SIRT5: variants seen among roughly 807,000 people sequenced by gnomAD.
SIRT5 encodes NAD-dependent protein deacylase sirtuin-5, mitochondrial.
SIRT5 carries 26 observed loss-of-function variants against 40.0 expected under a neutral mutation model. The observed-to-expected ratio is 0.65, with a 90% confidence interval of 0.48 to 0.90. The LOEUF is 0.90. Ranked by LOEUF, SIRT5 falls within the 40% of genes least tolerant of loss-of-function variation. The pLI is 0.00. For synonymous variants in SIRT5, 146 were observed against 149.1 expected (o/e 0.98, Z 0.15); for missense variants, 401 against 402.4 (o/e 1.00, Z 0.03).
chr6:13,605,240 G>C (rs1341715173), intron 9 of SIRT5: 1 of 912,878 alleles, frequency 1.1e-6, no homozygotes, highest in Non-Finnish European at 1.3e-6. Context: ...AGGTTTCATT[G>C]GAACACAGCT....
intron 9 of SIRT5, among the ~76,000 whole-genome samples, chr6:13,610,005 C>G (rs1040330916): frequency 6.6e-6 from 1 of 152,024 alleles, no homozygotes; most frequent in Admixed American, 6.6e-5. Flanking sequence ...CCTCTGTCAC[C>G]CAGGCTGGAG....
intron 9 of SIRT5, among the ~76,000 whole-genome samples, chr6:13,606,899 C>A (rs1763189341): frequency 6.6e-6 from 1 of 151,718 alleles, no homozygotes. Flanking sequence ...TCAGACAGGT[C>A]TCAAACTCCT....
At chr6:13,596,627 T>C (rs1397570899) in intron 6 of SIRT5, among the ~76,000 whole-genome samples, 1 of 152,104 alleles carries the variant, frequency 6.6e-6, no homozygotes, top group Non-Finnish European at 1.5e-5. Context: ...GCTAGGACTA[T>C]AGGCACACAT....
intron 7 of SIRT5, among the ~76,000 whole-genome samples, chr6:13,597,540 GTTTAT>G (rs141284695): frequency 0.027 from 4,115 of 150,542 alleles, 81 homozygotes; most frequent in Middle Eastern, 0.069. Context: ...TTTTTGTTGT[GTTTAT>G]TTTATTTTAT....
At position 13,584,135 on chromosome 6, in the gene SIRT5, A is replaced by G. The variant is rs2127623635; in HGVS notation, c.25A>G (p.Ser9Gly). The G allele has an allele frequency of 6.2e-7, 1 of 1,614,150 alleles. No homozygotes were observed. ...GATGCGACCTCTCCAGATTGTCCCA[A>G]GTCGATTGATTTCCCAGCTATATTG... is the stretch of plus-strand genomic sequence containing the variant. MRPLQIVP[S>G]RLISQLYCGL... The change falls in exon 3 of 10, where the codon AGT becomes GGT. Residue 9 changes from serine (S) to glycine (G), a missense_variant. Ser to Gly is a moderately conservative substitution (Grantham distance 56). Coordinates refer to ENST00000606117, the MANE Select transcript of SIRT5 (RefSeq NM_012241.5).
intron 9 of SIRT5, 95 bp from the exon 10 acceptor site, chr6:13,611,695 C>T (rs1008228383): frequency 1.1e-5 from 10 of 900,154 alleles, no homozygotes; most frequent in African/African-American, 6.6e-5. Context: ...GGTTTTACTT[C>T]GGCTATTACT....
At chr6:13,578,471 T>C (rs1584732919) in intron 1 of SIRT5, among the ~76,000 whole-genome samples, 1 of 151,892 alleles carries the variant, frequency 6.6e-6, no homozygotes, top group Non-Finnish European at 1.5e-5. Context: ...ATACAAAAAA[T>C]TAGCCGGGCG....
In SIRT5 at chr6:13,591,709, G is replaced by A. The variant is rs202209176; in HGVS notation, c.290G>A (p.Arg97Gln). Residue 97 changes from arginine (R) to glutamine (Q), a missense_variant, in exon 5 of 10, where the codon CGG (arginine) becomes CAG (glutamine). Physicochemically the swap from Arg to Gln is conservative, Grantham distance 43. Coordinates refer to ENST00000606117, the MANE Select transcript of SIRT5 (RefSeq NM_012241.5). ...TPLAFAHNPSRVWEFYHYRRE... is the reference protein window; with the variant it reads ...TPLAFAHNPSQVWEFYHYRRE... ...CTGGCCTTTGCCCACAACCCGTCCC[G>A]GGTGTGGGAGTTCTACCACTACCGG... is the stretch of plus-strand genomic sequence containing the variant. 9.6e-5 allele frequency: 155 copies of A among 1,607,198 alleles called. No homozygotes were observed. Among genetic ancestry groups the A allele is most frequent in the East Asian group, 2.2e-4 (10 of 44,658 alleles).
chr6:13,586,938 T>G (rs533852862), intron 3 of SIRT5, among the ~76,000 whole-genome samples: 2 of 152,308 alleles, frequency 1.3e-5, no homozygotes, highest in African/African-American at 4.8e-5. Context: ...CCACTATGTT[T>G]CTTCCTTGCC....
chr6:13,607,000 T>G (rs1763207108), intron 9 of SIRT5, among the ~76,000 whole-genome samples: 1 of 151,584 alleles, frequency 6.6e-6, no homozygotes, highest in African/African-American at 2.4e-5. Context: ...TTTTTTTTTT[T>G]GGAATAGAGC....
rs758032079 is a variant in SIRT5, at chr6:13,591,732, C to T, written c.313C>T (p.Arg105Trp). The change falls in exon 5 of 10, where the codon CGG becomes TGG. Residue 105 changes from arginine (R) to tryptophan (W), a missense_variant. By Grantham distance (101) the Arg-to-Trp change is moderately radical. Transcript: ENST00000606117. ...PSRVWEFYHYRREVMGSKEPN... is the reference protein window; with the variant it reads ...PSRVWEFYHYWREVMGSKEPN... ...CCGGGTGTGGGAGTTCTACCACTAC[C>T]GGCGGGAGGTCATGGGGAGCAAGGA... 6.2e-6 allele frequency: 10 copies of T among 1,611,452 alleles called. No homozygotes were observed. Among genetic ancestry groups the T allele is most frequent in the South Asian group, 1.1e-5 (1 of 90,958 alleles).
At chr6:13,610,368 G>C (rs903923235) in intron 9 of SIRT5, among the ~76,000 whole-genome samples, 1 of 152,088 alleles carries the variant, frequency 6.6e-6, no homozygotes, top group Non-Finnish European at 1.5e-5. Context: ...CATACTTAGC[G>C]ATCTATTCAC....
chr6:13,591,997 C>A, intron 5 of SIRT5, 103 bp downstream of exon 5: 2 of 1,068,302 alleles, frequency 1.9e-6, no homozygotes, highest in Non-Finnish European at 2.8e-6. Context: ...TGCTGGACAT[C>A]CGTCCTGTCC....
intron 9 of SIRT5, among the ~76,000 whole-genome samples, chr6:13,611,401 A>T (rs539911275): frequency 6.6e-6 from 1 of 151,944 alleles, no homozygotes; most frequent in East Asian, 1.9e-4. Context: ...TGTATATTTT[A>T]TACTTACAAT....
intron 2 of SIRT5, 21 bp from the exon 3 acceptor site, chr6:13,584,055 G>T: frequency 8.4e-7 from 1 of 1,185,660 alleles, no homozygotes; most frequent in Non-Finnish European, 1.3e-6. Flanking sequence ...TACACTATTT[G>T]TTTTTGTGAT....
intron 9 of SIRT5, 73 bp downstream of exon 9, chr6:13,601,022 C>A: frequency 8.8e-7 from 1 of 1,130,426 alleles, no homozygotes; most frequent in Non-Finnish European, 1.3e-6. Flanking sequence ...ACATAGTTGA[C>A]CTACTCCTCT....
At chr6:13,577,286 A>G (rs1056285157) in intron 1 of SIRT5, among the ~76,000 whole-genome samples, 2 of 152,220 alleles carry the variant, frequency 1.3e-5, no homozygotes, top group Admixed American at 1.3e-4. Flanking sequence ...ATCCGCGAAC[A>G]TGGGATACCT....
At chr6:13,578,570 C>T (rs556366434) in intron 1 of SIRT5, among the ~76,000 whole-genome samples, 4 of 141,122 alleles carry the variant, frequency 2.8e-5, no homozygotes, top group South Asian at 2.2e-4. Flanking sequence ...TAAGTGGAGA[C>T]GGCGCCACTG....
chr6:13,605,705 T>C, intron 9 of SIRT5: 1 of 985,490 alleles, frequency 1.0e-6, no homozygotes, highest in Non-Finnish European at 1.2e-6. Context: ...AAACCCTGAC[T>C]ATTCCAATAA....
Sources: allele counts gnomAD v4.1 joint callset (sites outside exome capture counted in the v4.1 genomes callset), GRCh38; gene constraint gnomAD v4.1.1; transcripts MANE v1.5; gene names NCBI Gene and HGNC (gene_info 2026-07-23, HGNC 2026-07-21).